Variants in NRXN1 observed in about 807,000 individuals in gnomAD.
The protein encoded by NRXN1 is neurexin 1.
Under a neutral mutation model 150.9 loss-of-function variants are expected in NRXN1, and 39 were observed. The observed-to-expected ratio is 0.26, with a 90% CI of 0.20 to 0.34. The LOEUF is 0.34. Among genes scored for constraint, NRXN1 ranks in the 10% least tolerant of loss-of-function variants. The pLI is 1.00. For synonymous variants in NRXN1, 924 were observed against 757.0 expected, an observed-to-expected ratio of 1.22 and a Z score of -3.62; for missense variants, 1,815 against 1,949.9, an observed-to-expected ratio of 0.93 and a Z score of 1.30.
intron 17 of NRXN1, among the ~76,000 whole-genome samples, chr2:50,422,852 C>T (rs1438618477): frequency 6.6e-6 from 1 of 152,146 alleles, no homozygotes; most frequent in African/African-American, 2.4e-5. Context: ...AGACATCAAA[C>T]ACATGCAAAA....
intron 19 of NRXN1, among the ~76,000 whole-genome samples, chr2:50,088,566 A>G (rs902804300): frequency 6.6e-6 from 1 of 152,170 alleles, no homozygotes; most frequent in Non-Finnish European, 1.5e-5. Flanking sequence ...GGCATTTAAA[A>G]TCTCTGATTA....
chr2:50,085,006 ATAAT>A (rs140773586), intron 19 of NRXN1, among the ~76,000 whole-genome samples: 22,958 of 152,104 alleles, frequency 0.15, 2,176 homozygotes, highest in East Asian at 0.36. Flanking sequence ...GTGAAAAAAG[ATAAT>A]TAAACAGGAA....
At chr2:50,362,258 G>A (rs1558600212) in intron 17 of NRXN1, among the ~76,000 whole-genome samples, 1 of 152,016 alleles carries the variant, frequency 6.6e-6, no homozygotes, top group African/African-American at 2.4e-5. Context: ...AGAAAAATCA[G>A]GCAAGAGAAA....
At chr2:50,211,637 C>T (rs1352577841) in intron 18 of NRXN1, among the ~76,000 whole-genome samples, 1 of 150,994 alleles carries the variant, frequency 6.6e-6, no homozygotes, top group Non-Finnish European at 1.5e-5. Context: ...TGAATGAAAC[C>T]TAATATTATA....
chr2:51,027,491 T>C lies in NRXN1; in HGVS notation c.772+11A>G, dbSNP rs758041988. ...GGCCCCGGCCCCCGTGGGTCGGGCG[T>C]CGGGCCTTACCTTGGCTGCAGTCCT... On this transcript the variant is annotated intron_variant, in intron 2 of 22. Coordinates refer to ENST00000401669, the MANE Select transcript of NRXN1 (RefSeq NM_001330078.2). The C allele has an allele frequency of 6.6e-7, 1 of 1,504,514 alleles. No individual in the cohort carries two copies. Among genetic ancestry groups the C allele is most frequent in the Admixed American group, 2.2e-5 (1 of 46,120 alleles). 93.2% of individuals were successfully genotyped at this position (1,504,514 alleles called of 1,614,324 possible).
intron 21 of NRXN1, among the ~76,000 whole-genome samples, chr2:50,010,764 A>G (rs17441242): frequency 0.47 from 71,420 of 151,964 alleles, 17,415 homozygotes; most frequent in Middle Eastern, 0.61. Context: ...AGCACAAACA[A>G]TATATATTTC....
intron 5 of NRXN1, among the ~76,000 whole-genome samples, chr2:50,828,910 T>C (rs923608189): frequency 6.6e-6 from 1 of 152,124 alleles, no homozygotes; most frequent in African/African-American, 2.4e-5. Flanking sequence ...CGAGCCAAGA[T>C]CACGCCACTG....
At chr2:50,326,172 G>A (rs1013588319) in intron 17 of NRXN1, among the ~76,000 whole-genome samples, 6 of 151,972 alleles carry the variant, frequency 3.9e-5, no homozygotes, top group African/African-American at 9.7e-5. Context: ...TACGTTTGTA[G>A]TCCAATATTA....
chr2:50,683,845 A>T (rs1690832462), intron 5 of NRXN1, among the ~76,000 whole-genome samples: 1 of 150,818 alleles, frequency 6.6e-6, no homozygotes, highest in African/African-American at 2.4e-5. Context: ...AGCAAGTTCA[A>T]TTTAACAAGG....
chr2:50,737,968 A>G lies in NRXN1; in HGVS notation c.833-114353T>C, dbSNP rs535286781. On this transcript the variant is annotated intron_variant, in intron 5 of 22. Coordinates refer to ENST00000401669, the MANE Select transcript of NRXN1 (RefSeq NM_001330078.2). ...AGGAATATCAACCAATCAAAGACAC[A>G]AAGGTTTATCAAGGAAGGTTTATGG... 9.2e-5 allele frequency among the ~76,000 whole-genome samples: 14 copies of G among 152,252 alleles called. No homozygotes were observed. In the East Asian group the frequency reaches 2.7e-3, roughly 29 times the overall value.
intron 5 of NRXN1, among the ~76,000 whole-genome samples, chr2:50,816,984 C>CT (rs1296755726): frequency 6.6e-6 from 1 of 151,874 alleles, no homozygotes; most frequent in Non-Finnish European, 1.5e-5. Context: ...GACTCTCAGG[C>CT]TATATAAATT....
intron 18 of NRXN1, among the ~76,000 whole-genome samples, chr2:50,143,989 G>A (rs899368282): frequency 6.6e-6 from 1 of 151,694 alleles, no homozygotes; most frequent in African/African-American, 2.4e-5. Context: ...TCATCCTTAG[G>A]ATGGTTTTCC....
At chr2:50,402,920 G>C (rs1442246122) in intron 17 of NRXN1, among the ~76,000 whole-genome samples, 2 of 152,120 alleles carry the variant, frequency 1.3e-5, no homozygotes, top group Non-Finnish European at 2.9e-5. Flanking sequence ...AGGAGGAGGA[G>C]GCGGAAATTA....
chr2:50,636,412 G>A (rs1573910310), intron 5 of NRXN1, among the ~76,000 whole-genome samples: 1 of 152,114 alleles, frequency 6.6e-6, no homozygotes, highest in East Asian at 1.9e-4. Context: ...GTCAGACTAA[G>A]TGATCTCCAA....
intron 5 of NRXN1, among the ~76,000 whole-genome samples, chr2:50,632,169 T>C (rs1053579792): frequency 6.6e-6 from 1 of 151,998 alleles, no homozygotes; most frequent in African/African-American, 2.4e-5. Flanking sequence ...CAAGGCAATA[T>C]ATTCTGAGCA....
intron 2 of NRXN1, among the ~76,000 whole-genome samples, chr2:50,972,071 T>C (rs988976557): frequency 7.6e-6 from 1 of 131,914 alleles, no homozygotes; most frequent in African/African-American, 2.9e-5. Flanking sequence ...AAATCTCTGA[T>C]AATTTATTTT....
At chr2:50,274,805 T>A (rs989578556) in intron 17 of NRXN1, among the ~76,000 whole-genome samples, 6 of 151,982 alleles carry the variant, frequency 3.9e-5, no homozygotes, top group African/African-American at 1.4e-4. Context: ...CATAAAAATG[T>A]AGTTAGTAGT....
At chr2:50,268,114 C>T (rs547526652) in intron 17 of NRXN1, among the ~76,000 whole-genome samples, 328 of 152,128 alleles carry the variant, frequency 2.2e-3, no homozygotes, top group African/African-American at 7.4e-3. Flanking sequence ...TGCTTGAACC[C>T]GGAAGGCAGA....
chr2:50,626,516 T>C (rs994609007), intron 5 of NRXN1, among the ~76,000 whole-genome samples: 1 of 151,950 alleles, frequency 6.6e-6, no homozygotes, highest in Admixed American at 6.6e-5. Flanking sequence ...TTCAGATAAG[T>C]GTGCAAAAGA....
Sources: gnomAD v4.1 joint callset for allele counts (sites outside exome capture counted in the v4.1 genomes callset) on GRCh38, gnomAD v4.1.1 for gene constraint, MANE v1.5 for transcripts, NCBI Gene and HGNC (gene_info 2026-07-23, HGNC 2026-07-21) for gene names.